The following XXYLT1 variants were observed in gnomAD, a reference collection of about 807,000 sequenced individuals.
The protein encoded by XXYLT1 is xyloside xylosyltransferase 1.
In XXYLT1, 20 loss-of-function variants were observed where a neutral mutation model predicts 28.9. The observed-to-expected ratio is 0.69, with a 90% CI of 0.49 to 1.00. The LOEUF (loss-of-function observed/expected upper bound fraction) is 1.00, where lower values mean the gene tolerates loss of function less well. XXYLT1 is among the 50% of genes least tolerant of loss of function. The pLI, the probability that XXYLT1 is intolerant of heterozygous loss-of-function variation, is 0.00. For synonymous variants in XXYLT1, 257 were observed against 253.8 expected, an observed-to-expected ratio of 1.01 and a Z score of -0.12; for missense variants, 542 against 560.1, an observed-to-expected ratio of 0.97 and a Z score of 0.33.
chr3:195,070,537 ATCTGGCTCCAAAGTCCACAT>A (rs937134635), intron 3 of XXYLT1, among the ~76,000 whole-genome samples: 1 of 152,190 alleles, frequency 6.6e-6, no homozygotes, highest in African/African-American at 2.4e-5. Flanking sequence ...AACCCAGACA[ATCTGGCTCCAAAGTCCACAT>A]TCTTAAGATA....
rs575686511 is a variant in XXYLT1, at chr3:195,129,700, G to C, written c.785+26749C>G. On this transcript the variant is annotated intron_variant, in intron 3 of 3. Coordinates refer to ENST00000310380, the MANE Select transcript of XXYLT1 (RefSeq NM_152531.5). This position sits in a 1 kb window ranked among gnomAD's most constrained non-coding sequence, Gnocchi z 4.4. Reference sequence around the variant, plus strand: ...AATGTTCATTTGCATGTTAGTGTGCGGGCGTATGTTTTCAGTTCTCTCGGG... The same window carrying C: ...AATGTTCATTTGCATGTTAGTGTGCCGGCGTATGTTTTCAGTTCTCTCGGG... 1.1e-4 allele frequency among the ~76,000 whole-genome samples: 16 copies of C among 152,108 alleles called. No individual in the cohort carries two copies. The highest frequency in any genetic ancestry group is 1.6e-4 in the Non-Finnish European group (11 of 68,026).
intron 1 of XXYLT1, among the ~76,000 whole-genome samples, chr3:195,258,342 T>G (rs1725556062): frequency 6.6e-6 from 1 of 152,150 alleles, no homozygotes; most frequent in Non-Finnish European, 1.5e-5. Flanking sequence ...TTTTAAGTCA[T>G]TTACAGCTTA....
intron 2 of XXYLT1, among the ~76,000 whole-genome samples, chr3:195,221,129 G>A (rs1179673270): frequency 6.6e-6 from 1 of 152,104 alleles, no homozygotes; most frequent in Non-Finnish European, 1.5e-5. Flanking sequence ...AAAAACATCA[G>A]ATAAATCCTA....
At chr3:195,172,153 G>A (rs1373778195) in intron 2 of XXYLT1, among the ~76,000 whole-genome samples, 1 of 152,174 alleles carries the variant, frequency 6.6e-6, no homozygotes, top group East Asian at 1.9e-4. Flanking sequence ...TTGGTCAAAA[G>A]CACTTCTAGC....
intron 3 of XXYLT1, among the ~76,000 whole-genome samples, chr3:195,112,074 T>C (rs1717748436): frequency 6.6e-6 from 1 of 152,208 alleles, no homozygotes; most frequent in African/African-American, 2.4e-5. Flanking sequence ...AATCAGTACA[T>C]TGGTATATAC....
At chr3:195,107,774 CT>C (rs1284585586) in intron 3 of XXYLT1, among the ~76,000 whole-genome samples, 1 of 151,888 alleles carries the variant, frequency 6.6e-6, no homozygotes, top group Non-Finnish European at 1.5e-5. Context: ...GATCCAGCCC[CT>C]CAGTGTTCGG....
chr3:195,114,620 C>G (rs1717948220), intron 3 of XXYLT1, among the ~76,000 whole-genome samples: 1 of 152,188 alleles, frequency 6.6e-6, no homozygotes, highest in Non-Finnish European at 1.5e-5. Flanking sequence ...GGGAGGACAT[C>G]TCTTTACACG....
chr3:195,158,017 C>T (rs1056365696), intron 2 of XXYLT1, among the ~76,000 whole-genome samples: 1 of 152,214 alleles, frequency 6.6e-6, no homozygotes, highest in African/African-American at 2.4e-5. Context: ...CAGCACCACA[C>T]TGGCCAAATG....
At chr3:195,219,451 A>G (rs1723724474) in intron 2 of XXYLT1, among the ~76,000 whole-genome samples, 1 of 152,268 alleles carries the variant, frequency 6.6e-6, no homozygotes, top group Non-Finnish European at 1.5e-5. Flanking sequence ...AAAAGGCCAC[A>G]CACACACTGA....
At chr3:195,232,934 T>G (rs993303060) in intron 1 of XXYLT1, among the ~76,000 whole-genome samples, 58 of 152,348 alleles carry the variant, frequency 3.8e-4, no homozygotes, top group African/African-American at 1.3e-3. Context: ...GTTTCTTTGT[T>G]GATTTTCTGT....
Position 195,076,306 on chromosome 3 carries a change from A to AG in XXYLT1, c.786-6196dup, listed in dbSNP as rs35795807. Among the ~76,000 whole-genome samples, 72,034 of 150,286 alleles carry AG rather than the reference A, an allele frequency of 0.48. 20,629 individuals carry two copies. Among genetic ancestry groups the AG allele is most frequent in the East Asian group, 0.96 (4,907 of 5,104 alleles). ...CACCCACCCCACACCCACCCGTTCCAGAGAGGAAGAAGCCCGCACGGGGTC... is the reference window on the plus strand; with the variant it reads ...CACCCACCCCACACCCACCCGTTCCAGGAGAGGAAGAAGCCCGCACGGGGTC... On this transcript the variant is annotated intron_variant, in intron 3 of 3. Coordinates refer to ENST00000310380, the MANE Select transcript of XXYLT1 (RefSeq NM_152531.5). This position sits in a 1 kb window ranked among gnomAD's most constrained non-coding sequence, Gnocchi z 5.3.
intron 3 of XXYLT1, among the ~76,000 whole-genome samples, chr3:195,139,674 A>G (rs1019667170): frequency 6.6e-6 from 1 of 152,164 alleles, no homozygotes; most frequent in African/African-American, 2.4e-5. Flanking sequence ...AGATGATAAG[A>G]CAAAGGCCCC....
At chr3:195,140,210 C>T (rs1375887485) in intron 3 of XXYLT1, among the ~76,000 whole-genome samples, 1 of 152,232 alleles carries the variant, frequency 6.6e-6, no homozygotes, top group Non-Finnish European at 1.5e-5. Flanking sequence ...AACTTCGATT[C>T]CTTGATTCCT....
At chr3:195,258,816 G>C (rs1170758337) in intron 1 of XXYLT1, among the ~76,000 whole-genome samples, 1 of 152,226 alleles carries the variant, frequency 6.6e-6, no homozygotes, top group Non-Finnish European at 1.5e-5. Flanking sequence ...AGGGAGGAGT[G>C]TCAGAGAAGG....
Position 195,150,835 on chromosome 3 carries a change from CA to C in XXYLT1, c.785+5613del, listed in dbSNP as rs879333231. On this transcript the variant is annotated intron_variant, in intron 3 of 3. Transcript: ENST00000310380. This position sits in a 1 kb window ranked among gnomAD's most constrained non-coding sequence, Gnocchi z 4.7. Reference sequence around the variant, plus strand: ...ACATACACACACACTCACACATACGCACACTCTCTCACACACTCTCACACAC... The same window carrying C: ...ACATACACACACACTCACACATACGCCACTCTCTCACACACTCTCACACAC... 0.17 allele frequency among the ~76,000 whole-genome samples: 23,608 copies of C among 140,096 alleles called. 2,180 individuals are homozygous for C. The highest frequency in any genetic ancestry group is 0.49 in the East Asian group (2,006 of 4,076). The allele number at this position is 140,096 out of a possible 152,430, so 91.9% of individuals were successfully genotyped here. A position where few individuals can be genotyped will look rare whatever the true frequency, so the allele number is the denominator to read the frequency against.
chr3:195,107,023 T>C (rs1717133643), intron 3 of XXYLT1, among the ~76,000 whole-genome samples: 2 of 152,212 alleles, frequency 1.3e-5, no homozygotes, highest in Admixed American at 1.3e-4. Flanking sequence ...CTGTTGGCAA[T>C]GGGATTAGAA....
intron 1 of XXYLT1, among the ~76,000 whole-genome samples, chr3:195,245,969 AC>A (rs1399711880): frequency 6.6e-6 from 1 of 151,896 alleles, no homozygotes; most frequent in Non-Finnish European, 1.5e-5. Context: ...AGCCAATTAC[AC>A]CTCTTTTTAA....
At chr3:195,201,411 C>G (rs1369538090) in intron 2 of XXYLT1, among the ~76,000 whole-genome samples, 1 of 152,222 alleles carries the variant, frequency 6.6e-6, no homozygotes, top group Admixed American at 6.5e-5. Context: ...GGGTCCATCT[C>G]AACCTCTGCC....
At chr3:195,102,079 G>A (rs1183657495) in intron 3 of XXYLT1, among the ~76,000 whole-genome samples, 1 of 145,888 alleles carries the variant, frequency 6.9e-6, no homozygotes, top group Non-Finnish European at 1.5e-5. Flanking sequence ...GGAAGGGAAG[G>A]GAAAGGGAGG....
Sources: allele counts gnomAD v4.1 joint callset (sites outside exome capture counted in the v4.1 genomes callset), GRCh38; gene constraint gnomAD v4.1.1; non-coding constraint Gnocchi (gnomAD v3.1); transcripts MANE v1.5; gene names NCBI Gene and HGNC (gene_info 2026-07-23, HGNC 2026-07-21).